Variants in EFCAB10 observed in about 807,000 individuals in gnomAD.
EFCAB10 encodes the protein EF-hand calcium-binding domain-containing protein 10.
EFCAB10 carries 7 observed loss-of-function variants against 7.7 expected under a neutral mutation model. That is an observed-to-expected ratio of 0.91 (90% CI 0.52 to 1.72). The LOEUF is 1.72. Ranked by LOEUF, EFCAB10 falls within the 40% of genes most tolerant of loss-of-function variation. The probability of loss-of-function intolerance (pLI) is 0.00; values close to 1 mark genes in which losing one functional copy is unlikely to be tolerated. For synonymous variants in EFCAB10, 52 were observed against 21.0 expected, an observed-to-expected ratio of 2.47 and a Z score of -4.03; for missense variants, 112 against 61.5, an observed-to-expected ratio of 1.82 and a Z score of -2.74.
chr7:105,577,025 G>C (rs943811468), intron 1 of EFCAB10, among the ~76,000 whole-genome samples: 1 of 151,586 alleles, frequency 6.6e-6, no homozygotes, highest in African/African-American at 2.4e-5. Flanking sequence ...TGTACCCCAG[G>C]CTGGGCGACA....
chr7:105,570,412 G>A (rs1383011738), intron 1 of EFCAB10, among the ~76,000 whole-genome samples: 1 of 150,684 alleles, frequency 6.6e-6, no homozygotes, highest in African/African-American at 2.4e-5. Context: ...TGTAGTTTAA[G>A]CAATTTTAAA....
rs568829414 is a variant in EFCAB10, at chr7:105,576,058, G to A, written c.106+5300C>T. Among the ~76,000 whole-genome samples the A allele has an allele frequency of 3.3e-5, 5 of 152,056 alleles. No individual in the cohort carries two copies. The South Asian group carries it at 1.0e-3, about 32-fold the overall frequency. On this transcript the variant is annotated intron_variant, in intron 1 of 4. Coordinates refer to ENST00000480514, the MANE Select transcript of EFCAB10 (RefSeq NM_001355526.2). ...GTCTCAACAAAAAAAGAAATACCAG[G>A]GGCTTCACAAAGACACAGGATAAAG...
chr7:105,569,545 G>A lies in EFCAB10; in HGVS notation c.133C>T (p.Leu45=), dbSNP rs1344986876. Residue 45 remains leucine, a synonymous_variant, in exon 2 of 5, where the codon CTA becomes TTA. Transcript: ENST00000480514. ...PEKPKEYLIS[L]LERLRIAKVT... Reference sequence around the variant, plus strand: ...TTTGCAATTCTCAGTCGTTCCAATAGAGATATTAAATATTCTTTTGGTTTT... The same window carrying A: ...TTTGCAATTCTCAGTCGTTCCAATAAAGATATTAAATATTCTTTTGGTTTT... 5 of 697,790 alleles carry A rather than the reference G, an allele frequency of 7.2e-6. No homozygotes were observed. Among genetic ancestry groups the A allele is most frequent in the Admixed American group, 6.2e-5 (3 of 48,288 alleles). The allele number at this position is 697,790 out of a possible 1,614,324, so 43.2% of individuals were successfully genotyped here.
chr7:105,572,100 CAAATATA>C (rs796949856), intron 1 of EFCAB10: 26 of 152,282 alleles, frequency 1.7e-4, no homozygotes, highest in African/African-American at 5.8e-4. Flanking sequence ...CAGCAATTTT[CAAATATA>C]AAATATATTA....
chr7:105,569,030 C>T (rs1791867782), intron 3 of EFCAB10, among the ~76,000 whole-genome samples, 173 bp downstream of exon 3: 1 of 151,938 alleles, frequency 6.6e-6, no homozygotes, highest in African/African-American at 2.4e-5. Context: ...TTCCTATTCC[C>T]AAGTTTAGGG....
chr7:105,570,268 T>TATATATATATATATATAC (rs1188257284), intron 1 of EFCAB10, among the ~76,000 whole-genome samples: 18 of 66,436 alleles, frequency 2.7e-4, no homozygotes, highest in Admixed American at 9.6e-4. Context: ...TATATATATA[T>TATATATATATATATATAC]ACACACACAC....
chr7:105,572,931 A>G (rs1463413353), intron 1 of EFCAB10: 1 of 151,882 alleles, frequency 6.6e-6, no homozygotes, highest in Non-Finnish European at 1.5e-5. Flanking sequence ...GCATTTTTTC[A>G]TATACCTGTA....
chr7:105,565,754 T>G, intron 4 of EFCAB10: 1 of 722,058 alleles, frequency 1.4e-6, no homozygotes, highest in Non-Finnish European at 2.3e-6. Flanking sequence ...ATAAGATCAG[T>G]TGAAATTTTA....
At chr7:105,566,147 G>A (rs762494686) in intron 4 of EFCAB10, among the ~76,000 whole-genome samples, 3 of 151,566 alleles carry the variant, frequency 2.0e-5, no homozygotes, top group South Asian at 2.1e-4. Context: ...GCCTGGTGGC[G>A]GGCACCTGTA....
intron 3 of EFCAB10, chr7:105,567,770 G>C (rs934210977): frequency 2.9e-6 from 1 of 339,910 alleles, no homozygotes; most frequent in African/African-American, 2.1e-5. Context: ...AGTGTCTCAT[G>C]CCTGTAATCC....
In EFCAB10 at chr7:105,565,383, C is replaced by T. The variant is rs1309784956; in HGVS notation, c.*64G>A. On this transcript the variant is annotated 3_prime_UTR_variant, in exon 5 of 5. Transcript: ENST00000480514. ...AGACCATTTACTTCAGTTGGAGCAGCAGCTTTGTTTCTCCTTATTTAAAAT... is the reference window on the plus strand; with the variant it reads ...AGACCATTTACTTCAGTTGGAGCAGTAGCTTTGTTTCTCCTTATTTAAAAT... 6.2e-7 allele frequency: 1 copy of T among 1,614,198 alleles called. No individual in the cohort carries two copies. The highest frequency in any genetic ancestry group is 8.5e-7 in the Non-Finnish European group (1 of 1,180,034).
chr7:105,573,921 A>G (rs1792006515), intron 1 of EFCAB10, among the ~76,000 whole-genome samples: 1 of 152,086 alleles, frequency 6.6e-6, no homozygotes, highest in South Asian at 2.1e-4. Context: ...GTTTTTTCTC[A>G]ATAGCTTTCA....
chr7:105,570,250 T>A (rs1195735540), intron 1 of EFCAB10, among the ~76,000 whole-genome samples: 49 of 78,454 alleles, frequency 6.2e-4, no homozygotes, highest in East Asian at 2.4e-3. Flanking sequence ...AATATATATA[T>A]ATATATATAT....
chr7:105,580,041 T>TACTC (rs1378619530), intron 1 of EFCAB10, among the ~76,000 whole-genome samples: 1 of 152,146 alleles, frequency 6.6e-6, no homozygotes, highest in Non-Finnish European at 1.5e-5. Flanking sequence ...TCACCTGGCT[T>TACTC]GAGTAGCAAT....
intron 4 of EFCAB10, chr7:105,566,767 GTTCT>G (rs985811120): frequency 5.6e-4 from 89 of 157,864 alleles, no homozygotes; most frequent in Middle Eastern, 6.3e-3. Context: ...TTATTTTAAT[GTTCT>G]TTCTGCTGCT....
At chr7:105,565,800 T>A (rs577044728) in intron 4 of EFCAB10, 24 of 580,560 alleles carry the variant, frequency 4.1e-5, no homozygotes, top group Non-Finnish European at 6.9e-5. Flanking sequence ...TACAGCACAA[T>A]GGGGAAACCA....
intron 4 of EFCAB10, chr7:105,566,983 TAATA>T: frequency 4.2e-6 from 2 of 477,418 alleles, no homozygotes; most frequent in Non-Finnish European, 7.0e-6. Flanking sequence ...AAGAACCAAA[TAATA>T]AATCCATAAA....
chr7:105,568,651 A>G (rs1374098386), intron 3 of EFCAB10, among the ~76,000 whole-genome samples: 1 of 152,050 alleles, frequency 6.6e-6, no homozygotes, highest in Admixed American at 6.6e-5. Context: ...GGGGCTTCCT[A>G]TTTAGAATGG....
At chr7:105,571,865 T>C (rs116061693) in intron 1 of EFCAB10, 133 of 152,308 alleles carry the variant, frequency 8.7e-4, no homozygotes, top group African/African-American at 3.2e-3. Context: ...CATTTTTCTT[T>C]AATGATATAA....
Sources: allele counts gnomAD v4.1 joint callset (sites outside exome capture counted in the v4.1 genomes callset), GRCh38; gene constraint gnomAD v4.1.1; transcripts MANE v1.5; gene names NCBI Gene and HGNC (gene_info 2026-07-23, HGNC 2026-07-21).